The following EIF3J variants were observed in gnomAD, a reference collection of about 807,000 sequenced individuals.
The protein encoded by EIF3J is eukaryotic translation initiation factor 3, subunit 1 (alpha, 35kD).
Under a neutral mutation model 39.0 loss-of-function variants are expected in EIF3J, and 15 were observed. That is an observed-to-expected ratio of 0.38 (90% CI 0.26 to 0.59). The LOEUF (loss-of-function observed/expected upper bound fraction) is 0.59. Among genes scored for constraint, EIF3J ranks in the 20% least tolerant of loss-of-function variants. The pLI is 0.60. For synonymous variants in EIF3J, 98 were observed against 112.9 expected (o/e 0.87, Z 0.84); for missense variants, 226 against 308.6 (o/e 0.73, Z 2.00).
intron 2 of EIF3J, among the ~76,000 whole-genome samples, chr15:44,544,029 T>G (rs941051251): frequency 9.9e-5 from 15 of 152,042 alleles, no homozygotes; most frequent in African/African-American, 3.6e-4. Context: ...GCCATACTTC[T>G]TCCTTCTTGA....
In EIF3J at chr15:44,562,765, A is replaced by G; in HGVS notation, c.*1616A>G. 4.5e-6 allele frequency: 1 copy of G among 221,784 alleles called. No individual in the cohort carries two copies. Among genetic ancestry groups the G allele is most frequent in the Non-Finnish European group, 9.1e-6 (1 of 110,114 alleles). 13.7% of individuals were successfully genotyped at this position (221,784 alleles called of 1,614,324 possible). A position where few individuals can be genotyped will look rare whatever the true frequency, so the allele number is the denominator to read the frequency against. ...AATGAAAATGTATCACCTGTTCCTT[A>G]ACTGTGTAAATAATAATTAAATTTC... On this transcript the variant is annotated 3_prime_UTR_variant, in exon 8 of 8. Transcript: ENST00000261868.
intron 2 of EIF3J, among the ~76,000 whole-genome samples, chr15:44,545,001 T>G (rs2082042508): frequency 6.9e-6 from 1 of 144,366 alleles, no homozygotes; most frequent in Non-Finnish European, 1.5e-5. Context: ...AGACTCCATC[T>G]CAAAAAAAAA....
At chr15:44,557,355 C>T (rs1482175609) in intron 5 of EIF3J, 134 bp from the exon 6 acceptor site, 9 of 535,262 alleles carry the variant, frequency 1.7e-5, no homozygotes, top group Non-Finnish European at 2.7e-5. Context: ...CCAGTGACTC[C>T]AGTGGCTCCA....
chr15:44,554,674 C>A lies in EIF3J; in HGVS notation c.409+7C>A. The A allele has an allele frequency of 1.3e-6, 2 of 1,588,094 alleles. No homozygotes were observed. The highest frequency in any genetic ancestry group is 1.7e-6 in the Non-Finnish European group (2 of 1,159,734). ...TTAGCAAAGGAAACTTTTGGTAAGA[C>A]GGGATTATGATTGCAATACAGTATT... On this transcript the variant is annotated splice_region_variant and intron_variant, in intron 5 of 7. Transcript: ENST00000261868.
chr15:44,557,091 T>G (rs1287104825), intron 5 of EIF3J, among the ~76,000 whole-genome samples: 2 of 152,222 alleles, frequency 1.3e-5, no homozygotes, highest in East Asian at 3.8e-4. Flanking sequence ...ATCGATGCAT[T>G]AAATCAGGTG....
chr15:44,543,269 T>C (rs1048594881), intron 2 of EIF3J, among the ~76,000 whole-genome samples: 2 of 152,162 alleles, frequency 1.3e-5, no homozygotes, highest in African/African-American at 4.8e-5. Context: ...TGCTCCTTTC[T>C]TTAGGGGCTT....
chr15:44,561,186 C>T lies in EIF3J; in HGVS notation c.*37C>T. The T allele has an allele frequency of 1.9e-6, 3 of 1,593,098 alleles. No homozygotes were observed. Among genetic ancestry groups the T allele is most frequent in the Non-Finnish European group, 2.6e-6 (3 of 1,172,010 alleles). ...TTCTTGGTGTCATCTTTATGTTGCCCACAATCCCTTGAACATGTAGCACAA... is the reference window on the plus strand; with the variant it reads ...TTCTTGGTGTCATCTTTATGTTGCCTACAATCCCTTGAACATGTAGCACAA... On this transcript the variant is annotated 3_prime_UTR_variant, in exon 8 of 8. Coordinates refer to ENST00000261868, the MANE Select transcript of EIF3J (RefSeq NM_003758.4).
intron 5 of EIF3J, among the ~76,000 whole-genome samples, chr15:44,555,939 C>T (rs1332887273): frequency 6.6e-6 from 1 of 152,026 alleles, no homozygotes; most frequent in Non-Finnish European, 1.5e-5. Context: ...CTCACTGCAA[C>T]CTCTGCCTCT....
chr15:44,554,451 TA>T, intron 4 of EIF3J, 101 bp from the exon 5 acceptor site: 2 of 512,644 alleles, frequency 3.9e-6, no homozygotes. Context: ...TGTTCACTTT[TA>T]TTTGTTATTA....
intron 5 of EIF3J, among the ~76,000 whole-genome samples, chr15:44,556,453 C>CA (rs1443767209): frequency 6.6e-6 from 1 of 152,180 alleles, no homozygotes; most frequent in East Asian, 1.9e-4. Context: ...GCAATCCTCC[C>CA]ACCTCAGCCT....
intron 2 of EIF3J, 27 bp downstream of exon 2, chr15:44,537,454 G>C (rs1420257104): frequency 6.7e-7 from 1 of 1,500,234 alleles, no homozygotes; most frequent in Admixed American, 2.3e-5. Flanking sequence ...GCGCCGGGCA[G>C]CGCGGAAGCG....
At chr15:44,547,956 T>C (rs1033353638) in intron 2 of EIF3J, among the ~76,000 whole-genome samples, 2 of 152,202 alleles carry the variant, frequency 1.3e-5, no homozygotes, top group Non-Finnish European at 2.9e-5. Flanking sequence ...TGATTTCAGC[T>C]AGGTTGTCCT....
chr15:44,544,658 C>G (rs1239081638), intron 2 of EIF3J, among the ~76,000 whole-genome samples: 2 of 135,672 alleles, frequency 1.5e-5, no homozygotes, highest in South Asian at 4.8e-4. Flanking sequence ...GAGCTGAGAT[C>G]GTGCCATTGC....
Position 44,537,333 on chromosome 15 carries a change from C to T in EIF3J, c.53C>T (p.Ala18Val). 6.4e-7 allele frequency: 1 copy of T among 1,564,202 alleles called. No homozygotes were observed. Among genetic ancestry groups the T allele is most frequent in the Non-Finnish European group, 8.7e-7 (1 of 1,154,538 alleles). Residue 18 changes from alanine to valine, a missense_variant, in exon 2 of 8, where the codon GCT becomes GTT. By Grantham distance (64) the Ala-to-Val change is moderately conservative. Around this residue, in one of 2 missense-constraint regions of EIF3J, gnomAD observed 143 missense variants for 156.0 expected, o/e 0.92. Coordinates refer to ENST00000261868, the MANE Select transcript of EIF3J (RefSeq NM_003758.4). ...AGDSDSWDAD[A>V]FSVEDPVRKV... ...TCGCTTTCTTCCGTAGACGCCGACG[C>T]TTTCTCCGTGGAAGACCCAGTGCGG...
intron 2 of EIF3J, among the ~76,000 whole-genome samples, chr15:44,538,173 G>T (rs75825481): frequency 0.098 from 14,953 of 151,856 alleles, 1,513 homozygotes; most frequent in African/African-American, 0.24. Context: ...GTGGTTTTTT[G>T]TTGTTGTTGT....
Position 44,537,147 on chromosome 15 carries a change from A to G in EIF3J, c.-48A>G. ...CCCAGTGACTCACCTCCGCCGTGCTAACTCCTCGCTAGCTCTCCCTCTCAC... is the reference window on the plus strand; with the variant it reads ...CCCAGTGACTCACCTCCGCCGTGCTGACTCCTCGCTAGCTCTCCCTCTCAC... On this transcript the variant is annotated 5_prime_UTR_variant, in exon 1 of 8. Transcript: ENST00000261868. 5 of 1,612,878 alleles carry G rather than the reference A, an allele frequency of 3.1e-6. No individual in the cohort carries two copies. Among genetic ancestry groups the G allele is most frequent in the Non-Finnish European group, 3.4e-6 (4 of 1,179,458 alleles).
chr15:44,537,284 C>A (rs762767033), intron 1 of EIF3J, 40 bp from the exon 2 acceptor site: 39 of 1,565,564 alleles, frequency 2.5e-5, no homozygotes, highest in Middle Eastern at 1.7e-4. Flanking sequence ...GCCGGCCCCA[C>A]GCAGTGGCAG....
At chr15:44,541,632 T>A (rs925541594) in intron 2 of EIF3J, among the ~76,000 whole-genome samples, 11 of 152,244 alleles carry the variant, frequency 7.2e-5, no homozygotes, top group African/African-American at 2.4e-4. Context: ...AGGGACAATT[T>A]TCAGGGGTTG....
rs574359966 is a variant in EIF3J at position 44,562,275 on chromosome 15, C to CTTAT, written c.*1133_*1136dup. 1 of 152,560 alleles carries CTTAT rather than the reference C, an allele frequency of 6.6e-6. No homozygotes were observed. Among genetic ancestry groups the CTTAT allele is most frequent in the Non-Finnish European group, 1.5e-5 (1 of 68,030 alleles). 9.5% of individuals were successfully genotyped at this position (152,560 alleles called of 1,614,324 possible). ...AACAAAGGTATAGGGCTGCCTTCCTCTTATTTATTTGGGGACATTATTTTG... is the reference window on the plus strand; with the variant it reads ...AACAAAGGTATAGGGCTGCCTTCCTCTTATTTATTTATTTGGGGACATTATTTTG... On this transcript the variant is annotated 3_prime_UTR_variant, in exon 8 of 8. Transcript: ENST00000261868.
Sources: gnomAD v4.1 joint callset for allele counts (sites outside exome capture counted in the v4.1 genomes callset) on GRCh38, gnomAD v4.1.1 for gene constraint, gnomAD v4.1.1 regional missense constraint, MANE v1.5 for transcripts, NCBI Gene and HGNC (gene_info 2026-07-23, HGNC 2026-07-21) for gene names.